HECTD4: variants seen among roughly 807,000 people sequenced by gnomAD.
The protein encoded by HECTD4 is probable E3 ubiquitin-protein ligase HECTD4.
In HECTD4, 114 loss-of-function variants were observed where a neutral mutation model predicts 471.5. That is an observed-to-expected ratio of 0.24 (90% confidence interval 0.21 to 0.28). The LOEUF (loss-of-function observed/expected upper bound fraction) is 0.28, where lower values mean the gene tolerates loss of function less well. HECTD4 is among the 10% of genes least tolerant of loss of function. HECTD4 has a pLI of 1.00. For missense variants in HECTD4, 3,866 were observed against 5,651.5 expected, an observed-to-expected ratio of 0.68 and a Z score of 10.13; for synonymous variants, 2,012 against 2,256.0, an observed-to-expected ratio of 0.89 and a Z score of 3.07.
At chr12:112,260,532 C>CA (rs2034120387) in intron 18 of HECTD4, among the ~76,000 whole-genome samples, 1 of 151,262 alleles carries the variant, frequency 6.6e-6, no homozygotes, top group South Asian at 2.1e-4. Context: ...TGCAAATTGT[C>CA]AAAAAACACA....
At chr12:112,216,493 T>C (rs913066849) in intron 47 of HECTD4, 122 bp from the exon 48 acceptor site, 1 of 704,724 alleles carries the variant, frequency 1.4e-6, no homozygotes. Flanking sequence ...TATTATAGTA[T>C]CACTTTAGTA....
At chr12:112,316,476 C>T (rs1301530667) in intron 2 of HECTD4, among the ~76,000 whole-genome samples, 1 of 152,184 alleles carries the variant, frequency 6.6e-6, no homozygotes, top group Non-Finnish European at 1.5e-5. Context: ...CAATTTTAGG[C>T]ACGGTCTACC....
intron 1 of HECTD4, among the ~76,000 whole-genome samples, chr12:112,360,140 G>C (rs1427920931): frequency 6.6e-6 from 1 of 152,132 alleles, no homozygotes; most frequent in Non-Finnish European, 1.5e-5. Context: ...AAGTATCTAG[G>C]TATAGGTTTA....
intron 59 of HECTD4, among the ~76,000 whole-genome samples, chr12:112,192,233 C>T (rs183647338): frequency 7.8e-4 from 119 of 152,338 alleles, no homozygotes; most frequent in Admixed American, 2.6e-3. Flanking sequence ...CTGGGATTAT[C>T]ATAGCCTGAG....
At chr12:112,291,164 G>GT (rs2034877012) in intron 7 of HECTD4, among the ~76,000 whole-genome samples, 1 of 151,870 alleles carries the variant, frequency 6.6e-6, no homozygotes, top group Non-Finnish European at 1.5e-5. Flanking sequence ...TGTAAAAAAT[G>GT]TTTCTTTACA....
chr12:112,235,615 G>T lies in HECTD4; in HGVS notation c.5614C>A (p.Pro1872Thr), dbSNP rs753050875. The T allele has an allele frequency of 6.2e-7, 1 of 1,614,008 alleles. No individual in the cohort carries two copies. The highest frequency in any genetic ancestry group is 8.5e-7 in the Non-Finnish European group (1 of 1,179,874). The stretch of plus-strand genomic sequence containing the variant: ...AAGGAGGGGACAGAGTAGCTCCAGG[G>T]TGGGAGCTCCACGTTTCCACAGTCT... The part of the protein sequence containing the change: ...VEDCGNVELP[P>T]WSYSVPSLNS... The change falls in exon 36 of 76, where the codon CCC becomes ACC. Residue 1872 changes from proline (P) to threonine (T), a missense_variant. Pro to Thr is a conservative substitution (Grantham distance 38). Coordinates refer to ENST00000682272, the MANE Select transcript of HECTD4 (RefSeq NM_001388303.1). The surrounding 1 kb of genome is among the most constrained non-coding windows in gnomAD (Gnocchi z 5.0).
chr12:112,282,730 A>C (rs1026419150), intron 8 of HECTD4, among the ~76,000 whole-genome samples: 1 of 152,350 alleles, frequency 6.6e-6, no homozygotes, highest in Middle Eastern at 3.4e-3. Flanking sequence ...AAAAAACAAA[A>C]TATCTACTGT....
At chr12:112,274,725 A>G (rs1436635591) in intron 10 of HECTD4, 122 bp downstream of exon 10, 5 of 664,746 alleles carry the variant, frequency 7.5e-6, no homozygotes, top group Non-Finnish European at 1.3e-5. Context: ...AAAACAAAAC[A>G]AAACAAAAAA....
At chr12:112,345,017 G>A (rs547162524) in intron 1 of HECTD4, among the ~76,000 whole-genome samples, 1 of 151,764 alleles carries the variant, frequency 6.6e-6, no homozygotes, top group Non-Finnish European at 1.5e-5. Context: ...ACTTTGGGAG[G>A]CCAAGGCAAG....
At chr12:112,170,702 A>G (rs2031180834) in intron 68 of HECTD4, 1 of 509,174 alleles carries the variant, frequency 2.0e-6, no homozygotes. Context: ...GTAGAAAATG[A>G]TACCTATTTT....
chr12:112,169,637 T>C lies in HECTD4; in HGVS notation c.12074A>G (p.Asn4025Ser). 1 of 1,612,968 alleles carries C rather than the reference T, an allele frequency of 6.2e-7. No individual in the cohort carries two copies. Among genetic ancestry groups the C allele is most frequent in the Non-Finnish European group, 8.5e-7 (1 of 1,179,770 alleles). ...CCTGGCAGCCTGACAGAAGTAGGAG[T>C]TTTCAGAAGCTCTGATTTCCCCTGG... ...IVGGEIRASE[N>S]SYFCQAARQL... is the part of the protein sequence containing the mutation. The change falls in exon 70 of 76, where the codon AAC (asparagine) becomes AGC (serine). Residue 4025 changes from asparagine to serine, a missense_variant. By Grantham distance (46) the Asn-to-Ser change is conservative. Coordinates refer to ENST00000682272, the MANE Select transcript of HECTD4 (RefSeq NM_001388303.1).
intron 1 of HECTD4, among the ~76,000 whole-genome samples, chr12:112,377,432 G>A (rs2036803370): frequency 6.6e-6 from 1 of 152,078 alleles, no homozygotes; most frequent in South Asian, 2.1e-4. Flanking sequence ...AGCTTTTTGA[G>A]GACAAGGATT....
rs1296310230 is a variant in HECTD4 at position 112,381,925 on chromosome 12, G to GCGGGGGC, written c.177+20_177+26dup. The GCGGGGGC allele has an allele frequency of 6.6e-6, 8 of 1,220,240 alleles. No individual in the cohort carries two copies. In the Admixed American group the frequency reaches 1.7e-4, roughly 26 times the overall value. 75.6% of individuals were successfully genotyped at this position (1,220,240 alleles called of 1,614,324 possible). A position where few individuals can be genotyped will look rare whatever the true frequency, so the allele number is the denominator to read the frequency against. ...GCCGGGCGAGTGGGTCAGTCCGATG[G>GCGGGGGC]CGGGGGCCGGGGGCCGCCTCGCTCA... On this transcript the variant is annotated intron_variant, in intron 1 of 75. Coordinates refer to ENST00000682272, the MANE Select transcript of HECTD4 (RefSeq NM_001388303.1). The surrounding 1 kb of genome is among the most constrained non-coding windows in gnomAD (Gnocchi z 4.1).
At chr12:112,231,437 TA>T (rs1340259049) in intron 39 of HECTD4, 75 bp downstream of exon 39, 1 of 1,424,782 alleles carries the variant, frequency 7.0e-7, no homozygotes, top group African/African-American at 1.4e-5. Flanking sequence ...GGTAGAAAAT[TA>T]AAAAGCTAAA....
chr12:112,283,007 T>A (rs1235969763), intron 8 of HECTD4, 103 bp downstream of exon 8: 1 of 821,042 alleles, frequency 1.2e-6, no homozygotes, highest in African/African-American at 1.7e-5. Context: ...AAGTCAACTA[T>A]GCAAAGGAAA....
chr12:112,265,822 G>T, intron 15 of HECTD4, 56 bp downstream of exon 15: 1 of 1,312,020 alleles, frequency 7.6e-7, no homozygotes, highest in Non-Finnish European at 1.1e-6. Flanking sequence ...ACATTTAAAT[G>T]TAAACTAACG....
At chr12:112,230,026 G>A in intron 40 of HECTD4, 146 bp from the exon 41 acceptor site, 1 of 667,240 alleles carries the variant, frequency 1.5e-6, no homozygotes, top group South Asian at 2.1e-5. Context: ...ATCAGGTATG[G>A]CCAATGACAT....
intron 43 of HECTD4, 90 bp from the exon 44 acceptor site, chr12:112,226,848 C>T (rs1424453368): frequency 5.3e-6 from 5 of 938,410 alleles, no homozygotes; most frequent in Non-Finnish European, 6.4e-6. Context: ...ATCAATTTTG[C>T]CCCCCAGTTT....
At chr12:112,195,911 T>C (rs1301516656) in intron 55 of HECTD4, among the ~76,000 whole-genome samples, 3 of 152,230 alleles carry the variant, frequency 2.0e-5, no homozygotes, top group Non-Finnish European at 4.4e-5. Context: ...CCTGTAATTC[T>C]AGCACTTTGG....
Sources: gnomAD v4.1 joint callset for allele counts (sites outside exome capture counted in the v4.1 genomes callset) on GRCh38, gnomAD v4.1.1 for gene constraint, Gnocchi (gnomAD v3.1) non-coding constraint, MANE v1.5 for transcripts, NCBI Gene and HGNC (gene_info 2026-07-23, HGNC 2026-07-21) for gene names.